The following HMGCLL1 variants were observed in gnomAD, a reference collection of about 807,000 sequenced individuals.
HMGCLL1 encodes 3-hydroxy-3-methylglutaryl-CoA lyase like 1, also known as 3-hydroxymethyl-3-methylglutaryl-CoA lyase, cytoplasmic.
HMGCLL1 carries 36 observed loss-of-function variants against 39.1 expected under a neutral mutation model. The observed-to-expected ratio is 0.92, with a 90% CI of 0.71 to 1.22. HMGCLL1 has a LOEUF of 1.22. HMGCLL1 is among the 50% of genes most tolerant of loss of function. The pLI is 0.00. For missense variants in HMGCLL1, 451 were observed against 416.5 expected (o/e 1.08, Z -0.72); for synonymous variants, 149 against 144.0 (o/e 1.03, Z -0.25).
At chr6:55,520,586 C>T (rs1014919383) in intron 3 of HMGCLL1, among the ~76,000 whole-genome samples, 10 of 151,926 alleles carry the variant, frequency 6.6e-5, no homozygotes, top group Non-Finnish European at 1.0e-4. Context: ...GGTACAAAGT[C>T]CTTGCTTTAA....
intron 1 of HMGCLL1, among the ~76,000 whole-genome samples, chr6:55,569,200 A>G (rs1771352926): frequency 2.0e-5 from 3 of 152,160 alleles, no homozygotes; most frequent in Non-Finnish European, 2.9e-5. Flanking sequence ...CTCAACCTCA[A>G]AAAGGATAGA....
the HMGCLL1 span, among the ~76,000 whole-genome samples, chr6:55,586,518 A>G: frequency 1.3e-5 from 2 of 151,860 alleles, no homozygotes; most frequent in East Asian, 3.9e-4. Context: ...TACATTAGGT[A>G]TATCTCCTAA....
chr6:55,604,616 CAAAT>C, the HMGCLL1 span, among the ~76,000 whole-genome samples: 1 of 152,026 alleles, frequency 6.6e-6, no homozygotes, highest in Non-Finnish European at 1.5e-5. Context: ...GGGCTATTGA[CAAAT>C]AAAACTTGTA....
the HMGCLL1 span, among the ~76,000 whole-genome samples, chr6:55,615,129 A>G: frequency 1.3e-5 from 2 of 152,144 alleles, no homozygotes; most frequent in Admixed American, 1.3e-4. Context: ...GACTTTTTCT[A>G]ACACCAGATT....
chr6:55,615,425 G>A, the HMGCLL1 span, among the ~76,000 whole-genome samples: 3 of 152,126 alleles, frequency 2.0e-5, no homozygotes, highest in Admixed American at 6.6e-5. Context: ...AGATTTGCAG[G>A]CACCTTGTGC....
chr6:55,577,617 A>G (rs1374445885), intron 1 of HMGCLL1, among the ~76,000 whole-genome samples: 1 of 152,182 alleles, frequency 6.6e-6, no homozygotes, highest in East Asian at 1.9e-4. Context: ...AAACCCACAA[A>G]ATGTGTAAAT....
At chr6:55,602,700 G>C in the HMGCLL1 span, among the ~76,000 whole-genome samples, 211 of 151,980 alleles carry the variant, frequency 1.4e-3, 1 homozygote, top group South Asian at 2.7e-3. Flanking sequence ...TGACCAAGCA[G>C]ATACTTAAAT....
the HMGCLL1 span, among the ~76,000 whole-genome samples, chr6:55,637,471 T>C: frequency 6.6e-6 from 1 of 152,184 alleles, no homozygotes; most frequent in African/African-American, 2.4e-5. Context: ...GCTTTCTTAA[T>C]GTTTCAGTTC....
At chr6:55,584,172 G>A (rs1043847962), upstream of HMGCLL1, among the ~76,000 whole-genome samples, 19 of 152,058 alleles carry the variant, frequency 1.2e-4, no homozygotes, top group East Asian at 5.8e-4. Flanking sequence ...GAGGGGAGGG[G>A]AAATAATCTC....
the HMGCLL1 span, among the ~76,000 whole-genome samples, chr6:55,611,382 G>A: frequency 1.3e-5 from 2 of 151,870 alleles, no homozygotes; most frequent in Admixed American, 6.6e-5. Context: ...TTCTACCAGA[G>A]GTAAAAAAAG....
At chr6:55,650,111 A>G in the HMGCLL1 span, among the ~76,000 whole-genome samples, 1 of 75,352 alleles carries the variant, frequency 1.3e-5, no homozygotes, top group Non-Finnish European at 2.4e-5. Flanking sequence ...ATATATATAT[A>G]TATATATATA....
chr6:55,596,860 T>G, the HMGCLL1 span, among the ~76,000 whole-genome samples: 77 of 152,296 alleles, frequency 5.1e-4, no homozygotes, highest in Non-Finnish European at 9.6e-4. Flanking sequence ...CTGTGACTAT[T>G]CTATTTACTA....
the HMGCLL1 span, among the ~76,000 whole-genome samples, chr6:55,601,942 A>G: frequency 1.3e-5 from 2 of 152,120 alleles, no homozygotes; most frequent in Non-Finnish European, 2.9e-5. Flanking sequence ...GTCTAAACAA[A>G]TGCAATCCAT....
rs751817379 is a variant in HMGCLL1 at position 55,499,332 on chromosome 6, T to G, written c.543-33A>C. On this transcript the variant is annotated intron_variant, in intron 5 of 8. Transcript: ENST00000274901. The stretch of plus-strand genomic sequence containing the variant: ...AAAAATACAGCCTTATAAATATGCA[T>G]ATGGTAAATAAGCCATTTCCATTTT... The G allele has an allele frequency of 7.4e-6, 11 of 1,481,680 alleles. No individual in the cohort carries two copies. In the Admixed American group the frequency reaches 2.3e-4, roughly 31 times the overall value. 91.8% of individuals were successfully genotyped at this position (1,481,680 alleles called of 1,614,324 possible). A position where few individuals can be genotyped will look rare whatever the true frequency, so the allele number is the denominator to read the frequency against.
At chr6:55,441,560 A>T (rs1763597801) in intron 7 of HMGCLL1, among the ~76,000 whole-genome samples, 1 of 152,178 alleles carries the variant, frequency 6.6e-6, no homozygotes, top group Non-Finnish European at 1.5e-5. Flanking sequence ...AGACATTTTT[A>T]AACTGGTGTC....
At chr6:55,639,207 A>G in the HMGCLL1 span, among the ~76,000 whole-genome samples, 1 of 152,104 alleles carries the variant, frequency 6.6e-6, no homozygotes, top group East Asian at 1.9e-4. Context: ...AATGTTAGCT[A>G]CTATTATTAT....
chr6:55,482,353 A>C (rs1765793031), intron 7 of HMGCLL1, among the ~76,000 whole-genome samples: 1 of 152,078 alleles, frequency 6.6e-6, no homozygotes, highest in Admixed American at 6.6e-5. Flanking sequence ...CATCTTAGCA[A>C]ATAAAAATAG....
rs1336490529 is a variant in HMGCLL1, at chr6:55,543,312, A to G, written c.109-1172T>C. On this transcript the variant is annotated intron_variant, in intron 1 of 8. Transcript: ENST00000274901. Reference sequence around the variant, plus strand: ...ATATTATATATCATATATGATATATAATATATAATATATATTATATATCAT... The same window carrying G: ...ATATTATATATCATATATGATATATGATATATAATATATATTATATATCAT... Among the ~76,000 whole-genome samples the G allele has an allele frequency of 5.9e-4, 10 of 16,924 alleles. 4 individuals carry two copies. The highest frequency in any genetic ancestry group is 2.1e-3 in the African/African-American group (10 of 4,724). The allele number at this position is 16,924 out of a possible 152,430, so 11.1% of individuals were successfully genotyped here.
chr6:55,578,294 CTTTA>C (rs1020927351), intron 1 of HMGCLL1, among the ~76,000 whole-genome samples: 46 of 152,038 alleles, frequency 3.0e-4, no homozygotes, highest in African/African-American at 4.8e-4. Flanking sequence ...TACACCTTTT[CTTTA>C]TTTATCTGAC....
Sources: allele counts gnomAD v4.1 joint callset (sites outside exome capture counted in the v4.1 genomes callset), GRCh38; gene constraint gnomAD v4.1.1; transcripts MANE v1.5; gene names NCBI Gene and HGNC (gene_info 2026-07-23, HGNC 2026-07-21).